IFT46: variants seen among roughly 807,000 people sequenced by gnomAD.
IFT46 encodes intraflagellar transport 46.
A neutral mutation model predicts 39.6 loss-of-function variants in IFT46; 19 were observed. The observed-to-expected ratio is 0.48, with a 90% confidence interval of 0.33 to 0.70. IFT46 has a LOEUF of 0.70. Ranked by LOEUF, IFT46 falls within the 30% of genes least tolerant of loss-of-function variation. IFT46 has a pLI of 0.01. For synonymous variants in IFT46, 117 were observed against 134.8 expected (o/e 0.87, Z 0.91); for missense variants, 334 against 364.8 (o/e 0.92, Z 0.69).
chr11:118,572,825 C>T lies in IFT46; in HGVS notation c.-362G>A, dbSNP rs1159310911. 7 of 429,336 alleles carry T rather than the reference C, an allele frequency of 1.6e-5. No homozygotes were observed. In the East Asian group the frequency reaches 2.1e-4, roughly 13 times the overall value. The allele number at this position is 429,336 out of a possible 1,614,324, so 26.6% of individuals were successfully genotyped here. On this transcript the variant is annotated 5_prime_UTR_variant, in exon 1 of 6. Coordinates refer to the IFT46 transcript ENST00000528378. ...GCTGGGACCTGCCCCTGAGACGGCCCGGCGTTTTTGCTCTGCGAGAACTTC... is the reference window on the plus strand; with the variant it reads ...GCTGGGACCTGCCCCTGAGACGGCCTGGCGTTTTTGCTCTGCGAGAACTTC...
intron 3 of IFT46, chr11:118,557,928 T>G (rs1937897697): frequency 7.2e-6 from 11 of 1,536,638 alleles, no homozygotes; most frequent in Non-Finnish European, 9.6e-6. Context: ...AAAAGTAGGT[T>G]TTCAAAACTT....
In IFT46 at chr11:118,572,884, C is replaced by A. The variant is rs1938383024; in HGVS notation, c.-421G>T. On this transcript the variant is annotated 5_prime_UTR_variant, in exon 1 of 6. Transcript: ENST00000528378. ...GGTGCGGGTCCCAGGCTGCGGACCT[C>A]GGAACTGATGCTGTCCCGCCGGTTC... The A allele has an allele frequency of 8.5e-6, 3 of 352,570 alleles. No homozygotes were observed. In the East Asian group the frequency reaches 1.4e-4, roughly 17 times the overall value. The allele number at this position is 352,570 out of a possible 1,614,324, so 21.8% of individuals were successfully genotyped here. A position where few individuals can be genotyped will look rare whatever the true frequency, so the allele number is the denominator to read the frequency against.
intron 10 of IFT46, 130 bp from the exon 11 acceptor site, chr11:118,545,624 G>A: frequency 1.9e-6 from 2 of 1,055,928 alleles, no homozygotes; most frequent in Non-Finnish European, 1.5e-6. Flanking sequence ...ATACCCAGCA[G>A]GTAGTCACAT....
At chr11:118,559,301 T>G (rs1328640869) in intron 3 of IFT46, among the ~76,000 whole-genome samples, 6 of 152,154 alleles carry the variant, frequency 3.9e-5, no homozygotes, top group African/African-American at 1.4e-4. Context: ...GCAGCCAACA[T>G]CTGGGTCTTA....
At chr11:118,546,176 A>G in intron 9 of IFT46, 1 of 718,444 alleles carries the variant, frequency 1.4e-6, no homozygotes, top group Non-Finnish European at 2.6e-6. Context: ...AAGACACAGA[A>G]GATGGCCAAG....
intron 2 of IFT46, chr11:118,561,354 T>A: frequency 1.1e-6 from 1 of 893,954 alleles, no homozygotes; most frequent in South Asian, 1.3e-5. Context: ...AAGAACCAGT[T>A]CTCTCAATGC....
intron 9 of IFT46, among the ~76,000 whole-genome samples, chr11:118,549,624 A>G (rs1483946347): frequency 6.6e-6 from 1 of 150,624 alleles, no homozygotes; most frequent in Non-Finnish European, 1.5e-5. Flanking sequence ...TCCCAGGTTC[A>G]AGCGATTCTC....
At chr11:118,551,188 A>G (rs997752807) in intron 9 of IFT46, among the ~76,000 whole-genome samples, 6 of 152,014 alleles carry the variant, frequency 3.9e-5, no homozygotes, top group Non-Finnish European at 8.8e-5. Context: ...CCTGGCCAAC[A>G]TGGTGAAACC....
rs1457388063 is a variant in IFT46, at chr11:118,544,631, C to T, written c.*285G>A. On this transcript the variant is annotated 3_prime_UTR_variant, in exon 12 of 12. Coordinates refer to ENST00000264021, the MANE Select transcript of IFT46 (RefSeq NM_001168618.2). ...ACAAAAAGGACATCTTTTAAGCTTT[C>T]CTCCCAATCTAACCTCCATGGGATC... 1.7e-5 allele frequency: 6 copies of T among 357,096 alleles called. No individual in the cohort carries two copies. The highest frequency in any genetic ancestry group is 3.0e-5 in the Non-Finnish European group (6 of 197,004). The allele number at this position is 357,096 out of a possible 1,614,324, so 22.1% of individuals were successfully genotyped here. A position where few individuals can be genotyped will look rare whatever the true frequency, so the allele number is the denominator to read the frequency against.
intron 3 of IFT46, among the ~76,000 whole-genome samples, chr11:118,558,902 G>A (rs1363665242): frequency 2.0e-5 from 3 of 147,644 alleles, no homozygotes; most frequent in African/African-American, 5.0e-5. Context: ...GAAAGAGCAA[G>A]ACTCTGTCTC....
At chr11:118,549,649 C>T (rs1261619168) in intron 9 of IFT46, among the ~76,000 whole-genome samples, 1 of 151,770 alleles carries the variant, frequency 6.6e-6, no homozygotes, top group Non-Finnish European at 1.5e-5. Context: ...CTCAGCCTCC[C>T]GAGTAGCTGA....
intron 4 of IFT46, among the ~76,000 whole-genome samples, chr11:118,556,267 G>A (rs1370454628): frequency 4.6e-5 from 7 of 152,118 alleles, no homozygotes; most frequent in South Asian, 2.1e-4. Flanking sequence ...CGAGGCGAGC[G>A]GATCACGAGG....
intron 3 of IFT46, among the ~76,000 whole-genome samples, chr11:118,558,836 T>G (rs1271505948): frequency 6.6e-6 from 1 of 150,870 alleles, no homozygotes; most frequent in East Asian, 2.0e-4. Context: ...GAGAATTGCT[T>G]GAACCCAAGA....
intron 9 of IFT46, among the ~76,000 whole-genome samples, chr11:118,551,458 G>A (rs1007255265): frequency 2.0e-5 from 3 of 152,014 alleles, no homozygotes; most frequent in Non-Finnish European, 4.4e-5. Flanking sequence ...AGGACTGCTT[G>A]AGCCCAGGAG....
chr11:118,555,407 T>A, intron 4 of IFT46, 85 bp from the exon 5 acceptor site: 1 of 973,368 alleles, frequency 1.0e-6, no homozygotes, highest in Non-Finnish European at 1.6e-6. Context: ...TTACTGACTA[T>A]AGGGACATGA....
chr11:118,552,346 A>G lies in IFT46; in HGVS notation c.484-11T>C. Reference sequence around the variant, plus strand: ...TACTTTCATATGTTGCTAGGAAAGTAAGGAGAAAGCCTAGCTGATGGCACT... The same window carrying G: ...TACTTTCATATGTTGCTAGGAAAGTGAGGAGAAAGCCTAGCTGATGGCACT... On this transcript the variant is annotated splice_polypyrimidine_tract_variant and intron_variant, in intron 7 of 11. Transcript: ENST00000264021. 6.2e-7 allele frequency: 1 copy of G among 1,613,896 alleles called. No homozygotes were observed.
chr11:118,555,265 G>T lies in IFT46; in HGVS notation c.243C>A (p.Leu81=). ...GTACTCACCTACTGATGTACTGGAA[G>T]AGTTCCTTAATTTCAGCAGAAACTG... The part of the protein sequence containing the change: ...HLPVSAEIKE[L]FQYISRYTPQ... The change falls in exon 5 of 12, where the codon CTC becomes CTA. Residue 81 remains leucine (L), a synonymous_variant. Coordinates refer to ENST00000264021, the MANE Select transcript of IFT46 (RefSeq NM_001168618.2). 6.2e-7 allele frequency: 1 copy of T among 1,613,966 alleles called. No individual in the cohort carries two copies. The highest frequency in any genetic ancestry group is 1.1e-5 in the South Asian group (1 of 91,070).
intron 2 of IFT46, 171 bp from the exon 3 acceptor site, chr11:118,560,035 T>G (rs1555070312): frequency 5.0e-6 from 3 of 600,292 alleles, no homozygotes; most frequent in Non-Finnish European, 8.8e-6. Context: ...CCAGTTCAAT[T>G]CAAGATATAT....
chr11:118,555,036 A>G lies in IFT46; in HGVS notation c.308T>C (p.Ile103Thr). 6.2e-7 allele frequency: 1 copy of G among 1,614,088 alleles called. No homozygotes were observed. Among genetic ancestry groups the G allele is most frequent in the African/African-American group, 1.3e-5 (1 of 75,036 alleles). ...IDLDHKLKPFIPDFIPAVGDI... is the reference protein window; with the variant it reads ...IDLDHKLKPFTPDFIPAVGDI... ...CCCGACAGCTGGGATAAAATCAGGA[A>G]TGAAAGGCTTCAGTTTGTGGTCCAG... Residue 103 changes from isoleucine (I) to threonine (T), a missense_variant, in exon 6 of 12, where the codon ATT becomes ACT. By Grantham distance (89) the Ile-to-Thr change is moderately conservative. Transcript: ENST00000264021.
Sources: gnomAD v4.1 joint callset for allele counts (sites outside exome capture counted in the v4.1 genomes callset) on GRCh38, gnomAD v4.1.1 for gene constraint, MANE v1.5 for transcripts, NCBI Gene and HGNC (gene_info 2026-07-23, HGNC 2026-07-21) for gene names.